The following NLRP10 variants were observed in gnomAD, a reference collection of about 807,000 sequenced individuals.
NLRP10 encodes NLR family pyrin domain containing 10, also known as NACHT, LRR and PYD domains-containing protein 10.
Under a neutral mutation model 8.2 loss-of-function variants are expected in NLRP10, and 7 were observed. The ratio of observed to expected loss-of-function variants is 0.85; its 90% CI spans 0.48 to 1.60. The LOEUF is 1.60. NLRP10 is among the 40% of genes most tolerant of loss of function. NLRP10 has a pLI of 0.00. For synonymous variants in NLRP10, 338 were observed against 314.0 expected (o/e 1.08, Z -0.81); for missense variants, 814 against 776.3 (o/e 1.05, Z -0.58).
Position 7,959,713 on chromosome 11 carries a change from T to C in NLRP10, c.1899A>G (p.Gly633=). 6.2e-7 allele frequency: 1 copy of C among 1,606,326 alleles called. No individual in the cohort carries two copies. Among genetic ancestry groups the C allele is most frequent in the South Asian group, 1.1e-5 (1 of 88,944 alleles). The change falls in exon 3 of 3, where the codon GGA becomes GGG. Residue 633 remains glycine, a synonymous_variant. Transcript: ENST00000691676. ...GQKEGKDNIA[G]TQKEASTGKG... is the part of the protein sequence containing the mutation. ...TTCCAGTAGAAGCTTCCTTTTGTGTTCCTGCTATATTATCTTTGCCCTCCT... is the reference window on the plus strand; with the variant it reads ...TTCCAGTAGAAGCTTCCTTTTGTGTCCCTGCTATATTATCTTTGCCCTCCT...
At chr11:7,964,828 G>A (rs574614715) in intron 1 of NLRP10, among the ~76,000 whole-genome samples, 2 of 152,292 alleles carry the variant, frequency 1.3e-5, no homozygotes, top group South Asian at 4.1e-4. Context: ...CTTTGGAAAA[G>A]AAAAGCAACA....
chr11:7,962,618 G>A (rs1179689011), intron 2 of NLRP10, among the ~76,000 whole-genome samples: 1 of 152,110 alleles, frequency 6.6e-6, no homozygotes, highest in Non-Finnish European at 1.5e-5. Context: ...CTGGGTCCAT[G>A]AAACCCTCCC....
intron 2 of NLRP10, among the ~76,000 whole-genome samples, chr11:7,962,120 C>T (rs1422705931): frequency 1.3e-5 from 2 of 151,932 alleles, no homozygotes; most frequent in African/African-American, 4.8e-5. Flanking sequence ...GACAATATGC[C>T]TCTTGTACCA....
chr11:7,964,534 C>T (rs1941789338), intron 1 of NLRP10, among the ~76,000 whole-genome samples: 1 of 152,220 alleles, frequency 6.6e-6, no homozygotes, highest in Non-Finnish European at 1.5e-5. Context: ...AACTGTTCCA[C>T]ATGAGAAATT....
Position 7,958,395 on chromosome 11 carries a change from G to T in NLRP10, c.*1249C>A, listed in dbSNP as rs112238119. Reference sequence around the variant, plus strand: ...CCTAACAAGCATTTAGTGTTGCCAGGATTTGGGATGTTAGCCATTCTAACA... The same window carrying T: ...CCTAACAAGCATTTAGTGTTGCCAGTATTTGGGATGTTAGCCATTCTAACA... On this transcript the variant is annotated 3_prime_UTR_variant, in exon 3 of 3. Coordinates refer to ENST00000691676, the MANE Select transcript of NLRP10 (RefSeq NM_001391958.1). Among the ~76,000 whole-genome samples the T allele has an allele frequency of 2.0e-5, 3 of 152,168 alleles. No homozygotes were observed. The highest frequency in any genetic ancestry group is 2.0e-4 in the Admixed American group (3 of 15,282).
At chr11:7,961,724 G>A (rs1941734926) in intron 2 of NLRP10, among the ~76,000 whole-genome samples, 1 of 152,180 alleles carries the variant, frequency 6.6e-6, no homozygotes, top group Non-Finnish European at 1.5e-5. Context: ...GTGTTCATGT[G>A]AAATGTCTCC....
At chr11:7,963,727 C>T in intron 1 of NLRP10, 187 bp from the exon 2 acceptor site, 1 of 564,602 alleles carries the variant, frequency 1.8e-6, no homozygotes, top group Non-Finnish European at 3.1e-6. Flanking sequence ...AGTCAGGTGA[C>T]ACGTGACTGT....
In NLRP10 at chr11:7,960,024, C is replaced by A; in HGVS notation, c.1588G>T (p.Glu530Ter). ...ISKKDSFSNL[E>*]LKFCFRISPC... Reference sequence around the variant, plus strand: ...GAAATTCTGAAGCAGAACTTGAGCTCCAAGTTCGAGAAGCTGTCTTTTTTC... The same window carrying A: ...GAAATTCTGAAGCAGAACTTGAGCTACAAGTTCGAGAAGCTGTCTTTTTTC... Residue 530 changes from glutamate (E) to a stop codon, truncating the protein, a stop_gained, in exon 3 of 3, where the codon GAG becomes TAG. Transcript: ENST00000691676. LOFTEE classifies it low-confidence loss of function (END_TRUNC). 1 of 1,613,882 alleles carries A rather than the reference C, an allele frequency of 6.2e-7. No individual in the cohort carries two copies. The highest frequency in any genetic ancestry group is 1.3e-5 in the African/African-American group (1 of 75,036).
intron 2 of NLRP10, among the ~76,000 whole-genome samples, chr11:7,961,706 ATGTC>A (rs1941734539): frequency 6.6e-6 from 1 of 152,212 alleles, no homozygotes; most frequent in African/African-American, 2.4e-5. Flanking sequence ...GAATGCATGA[ATGTC>A]TGAGTGTTCA....
Position 7,960,918 on chromosome 11 carries a change from C to T in NLRP10, c.694G>A (p.Ala232Thr). Residue 232 changes from alanine to threonine, a missense_variant, in exon 3 of 3, where the codon GCC (alanine) becomes ACC (threonine). Ala to Thr is a moderately conservative substitution (Grantham distance 58, BLOSUM62 0). Coordinates refer to ENST00000691676, the MANE Select transcript of NLRP10 (RefSeq NM_001391958.1). ...LLFWCCGDNQ[A>T]PVTEILRQPE... ...TGCCTCAGAATCTCTGTGACAGGGG[C>T]TTGATTGTCCCCGCAGCACCAGAAA... is the stretch of plus-strand genomic sequence containing the variant. 1.2e-6 allele frequency: 2 copies of T among 1,614,186 alleles called. No individual in the cohort carries two copies. Among genetic ancestry groups the T allele is most frequent in the Non-Finnish European group, 1.7e-6 (2 of 1,180,026 alleles).
At chr11:7,964,729 CAT>C (rs1019389986) in intron 1 of NLRP10, among the ~76,000 whole-genome samples, 1 of 152,168 alleles carries the variant, frequency 6.6e-6, no homozygotes, top group African/African-American at 2.4e-5. Context: ...AAGCTGGAGA[CAT>C]GTATAAATAC....
chr11:7,963,522 A>G lies in NLRP10; in HGVS notation c.-27T>C. 6.3e-7 allele frequency: 1 copy of G among 1,577,838 alleles called. No individual in the cohort carries two copies. Among genetic ancestry groups the G allele is most frequent in the South Asian group, 1.2e-5 (1 of 85,860 alleles). ...GTGATCTGGGGGAAGGATCAAGTCCAGACCAGAAGACCAGTGACCTGGAGA... is the reference window on the plus strand; with the variant it reads ...GTGATCTGGGGGAAGGATCAAGTCCGGACCAGAAGACCAGTGACCTGGAGA... On this transcript the variant is annotated 5_prime_UTR_variant, in exon 2 of 3. Coordinates refer to ENST00000691676, the MANE Select transcript of NLRP10 (RefSeq NM_001391958.1).
In NLRP10 at chr11:7,963,344, CCCT is replaced by C. The variant is rs746584391; in HGVS notation, c.149_151del (p.Glu50del). Reference sequence around the variant, plus strand: ...TTCTGCCAGGTCCACCGGAATCAGGCCCTCCAACTCCCCTCTGGCCAGTGGGGG... The same window carrying C: ...TTCTGCCAGGTCCACCGGAATCAGGCCCAACTCCCCTCTGGCCAGTGGGGG... On this transcript the variant is annotated inframe_deletion, in exon 2 of 3. Transcript: ENST00000691676. 2 of 1,614,246 alleles carry C rather than the reference CCCT, an allele frequency of 1.2e-6. No individual in the cohort carries two copies. The highest frequency in any genetic ancestry group is 1.7e-6 in the Non-Finnish European group (2 of 1,180,042).
In NLRP10 at chr11:7,959,599, T is replaced by G; in HGVS notation, c.*45A>C. Reference sequence around the variant, plus strand: ...GCTTCTTTGATTTCTTTCCTCAGAGTGTTGTCATTTTCCTCATAGAGATCT... The same window carrying G: ...GCTTCTTTGATTTCTTTCCTCAGAGGGTTGTCATTTTCCTCATAGAGATCT... On this transcript the variant is annotated 3_prime_UTR_variant, in exon 3 of 3. Transcript: ENST00000691676. The G allele has an allele frequency of 8.6e-6, 8 of 929,434 alleles. No homozygotes were observed. The highest frequency in any genetic ancestry group is 1.3e-5 in the Non-Finnish European group (8 of 619,922). 57.6% of individuals were successfully genotyped at this position (929,434 alleles called of 1,614,324 possible). A position where few individuals can be genotyped will look rare whatever the true frequency, so the allele number is the denominator to read the frequency against.
In NLRP10 at chr11:7,963,237, C is replaced by A. The variant is rs1273236528; in HGVS notation, c.259G>T (p.Val87Leu). 5.0e-6 allele frequency: 8 copies of A among 1,614,050 alleles called. No homozygotes were observed. The highest frequency in any genetic ancestry group is 6.8e-6 in the Non-Finnish European group (8 of 1,180,028). The change falls in exon 2 of 3, where the codon GTG (valine) becomes TTG (leucine). Residue 87 changes from valine to leucine, a missense_variant. Coordinates refer to ENST00000691676, the MANE Select transcript of NLRP10 (RefSeq NM_001391958.1). ...GLKVMNLLEL[V>L]DQLSHICLHD... ...AGACAAATATGGCTGAGCTGGTCCA[C>A]AAGTTCCAACAGGTTCATGACCTTC...
Position 7,961,173 on chromosome 11 carries a change from G to T in NLRP10, c.439C>A (p.Leu147Met), listed in dbSNP as rs2133642385. The change falls in exon 3 of 3, where the codon CTG becomes ATG. Residue 147 changes from leucine (L) to methionine (M), a missense_variant. Transcript: ENST00000691676. ...AGAGCCTCCACCGTGACAGACTCCAGCTCCTGCTCCGGGAAGGGGCAGGCA... is the reference window on the plus strand; with the variant it reads ...AGAGCCTCCACCGTGACAGACTCCATCTCCTGCTCCGGGAAGGGGCAGGCA... ...SLACPFPEQE[L>M]ESVTVEALFD... The T allele has an allele frequency of 1.2e-6, 2 of 1,614,006 alleles. No individual in the cohort carries two copies. Among genetic ancestry groups the T allele is most frequent in the Non-Finnish European group, 1.7e-6 (2 of 1,179,960 alleles).
Position 7,959,758 on chromosome 11 carries a change from A to T in NLRP10, c.1854T>A (p.Cys618Ter). Residue 618 changes from cysteine (C) to a stop codon, truncating the protein, a stop_gained, in exon 3 of 3, where the codon TGT (cysteine) becomes TGA (stop). Transcript: ENST00000691676. LOFTEE classifies it low-confidence loss of function (END_TRUNC). ...LSHGPKEEQK[C>*]PSVHGQKEGK... is the part of the protein sequence containing the mutation. ...CCTCCTTCTGTCCATGGACAGAAGG[A>T]CATTTTTGCTCCTCCTTAGGTCCAT... 1.2e-6 allele frequency: 2 copies of T among 1,613,522 alleles called. No individual in the cohort carries two copies. The highest frequency in any genetic ancestry group is 2.2e-5 in the South Asian group (2 of 91,058).
chr11:7,963,215 C>A lies in NLRP10; in HGVS notation c.281G>T (p.Cys94Phe), dbSNP rs1370052097. Reference protein sequence around the residue: ...LELVDQLSHICLHDYREVYRE... With the variant: ...LELVDQLSHIFLHDYREVYRE... ...CCCCGCTCCACACTCACCATGCAGA[C>A]AAATATGGCTGAGCTGGTCCACAAG... Residue 94 changes from cysteine (C) to phenylalanine (F), a missense_variant, in exon 2 of 3, where the codon TGT (cysteine) becomes TTT (phenylalanine). By Grantham distance (205) the Cys-to-Phe change is radical. Coordinates refer to ENST00000691676, the MANE Select transcript of NLRP10 (RefSeq NM_001391958.1). The A allele has an allele frequency of 1.2e-6, 2 of 1,613,852 alleles. No homozygotes were observed. The highest frequency in any genetic ancestry group is 4.5e-5 in the East Asian group (2 of 44,884).
At position 7,958,674 on chromosome 11, in the gene NLRP10, T is replaced by C. The variant is rs572005739; in HGVS notation, c.*970A>G. ...AAGCAATTCTCCTGCCTCAGCCTCCTGAGTAGCTGGGACTACAGGTGTGCA... is the reference window on the plus strand; with the variant it reads ...AAGCAATTCTCCTGCCTCAGCCTCCCGAGTAGCTGGGACTACAGGTGTGCA... On this transcript the variant is annotated 3_prime_UTR_variant, in exon 3 of 3. Coordinates refer to ENST00000691676, the MANE Select transcript of NLRP10 (RefSeq NM_001391958.1). Among the ~76,000 whole-genome samples the C allele has an allele frequency of 6.6e-6, 1 of 152,024 alleles. No homozygotes were observed. The highest frequency in any genetic ancestry group is 1.5e-5 in the Non-Finnish European group (1 of 67,996).
Sources: allele counts gnomAD v4.1 joint callset (sites outside exome capture counted in the v4.1 genomes callset), GRCh38; gene constraint gnomAD v4.1.1; transcripts MANE v1.5; gene names NCBI Gene and HGNC (gene_info 2026-07-23, HGNC 2026-07-21).